SLC26A6: variants seen among roughly 807,000 people sequenced by gnomAD.
SLC26A6 encodes the protein anion exchange transporter.
In SLC26A6, 67 loss-of-function variants were observed where a neutral mutation model predicts 87.1. The ratio of observed to expected loss-of-function variants is 0.77; its 90% CI spans 0.63 to 0.94. SLC26A6 has a LOEUF of 0.94. SLC26A6 is among the 40% of genes least tolerant of loss of function. The pLI is 0.00. For missense variants in SLC26A6, 902 were observed against 973.0 expected, an observed-to-expected ratio of 0.93 and a Z score of 0.97; for synonymous variants, 414 against 405.9, an observed-to-expected ratio of 1.02 and a Z score of -0.24.
chr3:48,631,551 C>T (rs1252971910), intron 7 of SLC26A6, 98 bp downstream of exon 7: 2 of 1,484,472 alleles, frequency 1.3e-6, no homozygotes, highest in South Asian at 1.3e-5. Context: ...CTCCCAGCCC[C>T]CCTCCAGCTG....
Position 48,631,213 on chromosome 3 carries a change from C to T in SLC26A6, c.986+11G>A. On this transcript the variant is annotated intron_variant, in intron 8 of 20. Coordinates refer to ENST00000395550, the MANE Select transcript of SLC26A6 (RefSeq NM_022911.3). ...CCAACCCTCCCTGACCTGATGGAGG[C>T]CAGAGCTCACCCTGCAGGGATGTTG... 1 of 1,611,184 alleles carries T rather than the reference C, an allele frequency of 6.2e-7. No individual in the cohort carries two copies. Among genetic ancestry groups the T allele is most frequent in the Non-Finnish European group, 8.5e-7 (1 of 1,178,232 alleles).
rs373655418 is a variant in SLC26A6, at chr3:48,631,300, C to T, written c.910G>A (p.Gly304Arg). The T allele has an allele frequency of 1.4e-5, 22 of 1,592,176 alleles. No homozygotes were observed. Among genetic ancestry groups the T allele is most frequent in the Non-Finnish European group, 1.7e-5 (20 of 1,168,514 alleles). The change falls in exon 8 of 21, where the codon GGG (glycine) becomes AGG (arginine). Residue 304 changes from glycine to arginine, a missense_variant. Around this residue, in one of 3 missense-constraint regions of SLC26A6, gnomAD observed 800 missense variants for 856.8 expected, o/e 0.93. Transcript: ENST00000395550. ...ATGCCATAGGAGATGCCTGTGGCCC[C>T]GATGAGCTGTGGGAGAGGACAGAGT... is the stretch of plus-strand genomic sequence containing the variant. The part of the protein sequence containing the change: ...PIPGELLTLI[G>R]ATGISYGMGL...
At chr3:48,632,154 G>A (rs887566911) in intron 5 of SLC26A6, 91 bp downstream of exon 5, 15 of 1,577,496 alleles carry the variant, frequency 9.5e-6, no homozygotes, top group Admixed American at 3.5e-5. Flanking sequence ...AGAGGAGGAC[G>A]ACGATGGTCA....
In SLC26A6 at chr3:48,628,776, C is replaced by G; in HGVS notation, c.1600-62G>C. On this transcript the variant is annotated intron_variant, in intron 14 of 20. Transcript: ENST00000395550. The surrounding 1 kb of genome is among the most constrained non-coding windows in gnomAD (Gnocchi z 4.4). ...CTCTCTCCTGGCTGCATCCTGTTCT[C>G]CTGCCTTTCCTTCCCTAGTGTGCCC... is the stretch of plus-strand genomic sequence containing the variant. 6.4e-7 allele frequency: 1 copy of G among 1,560,138 alleles called. No homozygotes were observed. The highest frequency in any genetic ancestry group is 8.7e-7 in the Non-Finnish European group (1 of 1,147,280).
intron 1 of SLC26A6, among the ~76,000 whole-genome samples, chr3:48,634,570 G>A (rs1222095841): frequency 6.6e-6 from 1 of 152,184 alleles, no homozygotes; most frequent in East Asian, 1.9e-4. Context: ...GCTCCCACGT[G>A]GAATGGGGAA....
Position 48,628,178 on chromosome 3 carries a change from G to T in SLC26A6, c.1801-140C>A. On this transcript the variant is annotated intron_variant, in intron 16 of 20. Transcript: ENST00000395550. The surrounding 1 kb of genome is among the most constrained non-coding windows in gnomAD (Gnocchi z 4.4). ...AAGCTGTGGGACCTGCAGCAGCCAG[G>T]CTGAAGCTCCTGGAACAGCCGTGAA... 1 of 838,170 alleles carries T rather than the reference G, an allele frequency of 1.2e-6. No individual in the cohort carries two copies. Among genetic ancestry groups the T allele is most frequent in the Non-Finnish European group, 1.8e-6 (1 of 541,118 alleles). The allele number at this position is 838,170 out of a possible 1,614,324, so 51.9% of individuals were successfully genotyped here. A position where few individuals can be genotyped will look rare whatever the true frequency, so the allele number is the denominator to read the frequency against.
chr3:48,627,065 C>A lies in SLC26A6; in HGVS notation c.1894-10G>T. 6.2e-7 allele frequency: 1 copy of A among 1,609,810 alleles called. No homozygotes were observed. Among genetic ancestry groups the A allele is most frequent in the Non-Finnish European group, 8.5e-7 (1 of 1,177,940 alleles). ...CTCCTGAGCTCACCTGCTGGGGAGC[C>A]AGACATGCTGCCAGGGCCACCCATG... is the stretch of plus-strand genomic sequence containing the variant. On this transcript the variant is annotated splice_polypyrimidine_tract_variant and intron_variant, in intron 17 of 20. Transcript: ENST00000395550.
At chr3:48,627,390 C>G in intron 17 of SLC26A6, 2 of 302,556 alleles carry the variant, frequency 6.6e-6, no homozygotes, top group Non-Finnish European at 1.2e-5. Context: ...CACGGGCATC[C>G]ACATGAAACG....
chr3:48,626,582 G>C (rs770107291), intron 19 of SLC26A6, 49 bp downstream of exon 19: 1 of 1,612,212 alleles, frequency 6.2e-7, no homozygotes, highest in Non-Finnish European at 8.5e-7. Context: ...TTGGCCAAAA[G>C]TATCCTACCC....
chr3:48,632,369 A>G lies in SLC26A6; in HGVS notation c.461T>C (p.Val154Ala), dbSNP rs763540825. Reference sequence around the variant, plus strand: ...GGCCAGGGATTCTGTCACACTGCCCACCATCACAGACATGACAGCAAAGGT... The same window carrying G: ...GGCCAGGGATTCTGTCACACTGCCCGCCATCACAGACATGACAGCAAAGGT... ...VGTFAVMSVMVGSVTESLAPQ... is the reference protein window; with the variant it reads ...VGTFAVMSVMAGSVTESLAPQ... The change falls in exon 5 of 21, where the codon GTG becomes GCG. Residue 154 changes from valine (V) to alanine (A), a missense_variant. By Grantham distance (64) the Val-to-Ala change is moderately conservative. This residue lies in a region of SLC26A6 where 800 missense variants were observed against 856.8 expected (regional missense o/e 0.93). Coordinates refer to ENST00000395550, the MANE Select transcript of SLC26A6 (RefSeq NM_022911.3). 1.9e-6 allele frequency: 3 copies of G among 1,610,630 alleles called. No individual in the cohort carries two copies. In the South Asian group the frequency reaches 3.3e-5, roughly 18 times the overall value.
At position 48,625,776 on chromosome 3, in the gene SLC26A6, T is replaced by A. The variant is rs1208873335; in HGVS notation, c.*210A>T. 2.2e-5 allele frequency: 14 copies of A among 630,108 alleles called. No individual in the cohort carries two copies. The East Asian group carries it at 3.8e-4, about 17-fold the overall frequency. 39.0% of individuals were successfully genotyped at this position (630,108 alleles called of 1,614,324 possible). ...CTAAAATATGCACCAGTTCCCTCCC[T>A]GTACCGCGCCACTGCCAGCCTGACT... is the stretch of plus-strand genomic sequence containing the variant. On this transcript the variant is annotated 3_prime_UTR_variant, in exon 21 of 21. Transcript: ENST00000395550. The surrounding 1 kb of genome is among the most constrained non-coding windows in gnomAD (Gnocchi z 4.7).
At chr3:48,633,183 G>C (rs1349918010) in intron 3 of SLC26A6, 68 bp downstream of exon 3, 10 of 1,590,874 alleles carry the variant, frequency 6.3e-6, no homozygotes, top group Non-Finnish European at 7.7e-6. Flanking sequence ...CAAGGTAGAG[G>C]TCATGGCCCC....
chr3:48,630,149 C>T lies in SLC26A6; in HGVS notation c.1335G>A (p.Leu445=). ...TCAGGTTCACAATGATGATGGCTGC[C>T]AGGACCGCCTGGGGTGGGGACAGTG... ...ELFHDLPKAV[L]AAIIIVNLKG... Residue 445 remains leucine, a synonymous_variant, in exon 12 of 21, where the codon CTG becomes CTA. Transcript: ENST00000395550. 6.2e-7 allele frequency: 1 copy of T among 1,608,106 alleles called. No individual in the cohort carries two copies. The highest frequency in any genetic ancestry group is 8.5e-7 in the Non-Finnish European group (1 of 1,175,606).
intron 1 of SLC26A6, 28 bp from the exon 2 acceptor site, chr3:48,633,663 G>A: frequency 6.2e-7 from 1 of 1,610,452 alleles, no homozygotes; most frequent in South Asian, 1.1e-5. Context: ...GAGAGACACA[G>A]TGAAGGCATC....
At position 48,631,151 on chromosome 3, in the gene SLC26A6, T is replaced by C. The variant is rs964465578; in HGVS notation, c.987-11A>G. The C allele has an allele frequency of 1.2e-6, 2 of 1,613,374 alleles. No homozygotes were observed. The highest frequency in any genetic ancestry group is 1.7e-6 in the Non-Finnish European group (2 of 1,179,948). On this transcript the variant is annotated splice_polypyrimidine_tract_variant and intron_variant, in intron 8 of 20. Coordinates refer to ENST00000395550, the MANE Select transcript of SLC26A6 (RefSeq NM_022911.3). ...ACTGGGGGCACCAGCCTGTGAGAGG[T>C]ATCTGTGAGGCCAAAGCAAGGTCCT...
rs1214540607 is a variant in SLC26A6 at position 48,628,673 on chromosome 3, G to A, written c.1641C>T (p.Ala547=). The part of the protein sequence containing the change: ...VRGVKVFRSS[A]TVYFANAEFY... ...ACTCAGCATTGGCAAAGTACACGGT[G>A]GCCGAGGAGCGGAAGACCTTCACCC... is the stretch of plus-strand genomic sequence containing the variant. The change falls in exon 15 of 21, where the codon GCC becomes GCT. Residue 547 remains alanine (A), a synonymous_variant. Transcript: ENST00000395550. This position sits in a 1 kb window ranked among gnomAD's most constrained non-coding sequence, Gnocchi z 4.4. 1 of 1,613,552 alleles carries A rather than the reference G, an allele frequency of 6.2e-7. No homozygotes were observed.
At position 48,629,635 on chromosome 3, in the gene SLC26A6, C is replaced by A. The variant is rs546515991; in HGVS notation, c.1599+7G>T. On this transcript the variant is annotated splice_region_variant and intron_variant, in intron 14 of 20. Coordinates refer to ENST00000395550, the MANE Select transcript of SLC26A6 (RefSeq NM_022911.3). ...CCACACCATCTCACTCAGCCCCTGA[C>A]ACTCACCTCTGAGTACTCTGCCACA... 2 of 1,608,600 alleles carry A rather than the reference C, an allele frequency of 1.2e-6. No homozygotes were observed. Among genetic ancestry groups the A allele is most frequent in the South Asian group, 1.1e-5 (1 of 90,024 alleles).
Position 48,626,256 on chromosome 3 carries a change from G to C in SLC26A6, c.2227C>G (p.Leu743Val). The change falls in exon 20 of 21, where the codon CTC (leucine) becomes GTC (valine). Residue 743 changes from leucine to valine, a missense_variant. Around this residue, in one of 3 missense-constraint regions of SLC26A6, gnomAD observed 99 missense variants for 100.1 expected, o/e 0.99. Transcript: ENST00000395550. ...TCGGGGACAGGCCTCGGGTGTTGGAGGGCAAAGGTGACAGCATCATGGACA... is the reference window on the plus strand; with the variant it reads ...TCGGGGACAGGCCTCGGGTGTTGGACGGCAAAGGTGACAGCATCATGGACA... ...ASVHDAVTFA[L>V]QHPRPVPDSP... 1 of 1,614,086 alleles carries C rather than the reference G, an allele frequency of 6.2e-7. No individual in the cohort carries two copies. Among genetic ancestry groups the C allele is most frequent in the Non-Finnish European group, 8.5e-7 (1 of 1,180,008 alleles).
chr3:48,629,930 G>A lies in SLC26A6; in HGVS notation c.1471C>T (p.Leu491Phe). Residue 491 changes from leucine (L) to phenylalanine (F), a missense_variant, in exon 13 of 21, where the codon CTT becomes TTT. Leu to Phe is a conservative substitution (Grantham distance 22). Transcript: ENST00000395550. The stretch of plus-strand genomic sequence containing the variant: ...AAGATGACCGCAACCACCAAGCCAA[G>A]GTCCAGGTTCAGCAAGATGGTGGCC... ...FTATILLNLD[L>F]GLVVAVIFSL... 1.9e-6 allele frequency: 3 copies of A among 1,614,134 alleles called. No individual in the cohort carries two copies. Among genetic ancestry groups the A allele is most frequent in the South Asian group, 2.2e-5 (2 of 91,066 alleles).
Sources: allele counts gnomAD v4.1 joint callset (sites outside exome capture counted in the v4.1 genomes callset), GRCh38; gene constraint gnomAD v4.1.1; regional missense constraint gnomAD v4.1.1; non-coding constraint Gnocchi (gnomAD v3.1); transcripts MANE v1.5; gene names NCBI Gene and HGNC (gene_info 2026-07-23, HGNC 2026-07-21).